Variants in UBE2O observed in about 807,000 individuals in gnomAD.
UBE2O encodes ubiquitin conjugating enzyme E2 O, also known as (E3-independent) E2 ubiquitin-conjugating enzyme.
UBE2O carries 15 observed loss-of-function variants against 125.8 expected under a neutral mutation model. The observed-to-expected ratio is 0.12, with a 90% CI of 0.08 to 0.18. The LOEUF (loss-of-function observed/expected upper bound fraction) is 0.18. Ranked by LOEUF, UBE2O falls within the 10% of genes least tolerant of loss-of-function variation. The pLI, the probability that UBE2O is intolerant of heterozygous loss-of-function variation, is 1.00. For missense variants in UBE2O, 1,280 were observed against 1,723.6 expected, an observed-to-expected ratio of 0.74 and a Z score of 4.56; for synonymous variants, 708 against 703.2, an observed-to-expected ratio of 1.01 and a Z score of -0.11.
chr17:76,405,453 C>A lies in UBE2O; in HGVS notation c.477+60G>T. 6.4e-7 allele frequency: 1 copy of A among 1,556,360 alleles called. No individual in the cohort carries two copies. Among genetic ancestry groups the A allele is most frequent in the East Asian group, 2.3e-5 (1 of 43,826 alleles). ...ACATGCAGAGTGCGAGGTGGGCAGG[C>A]TCAAGTCCCTAAGGTGGCTGCCCCC... On this transcript the variant is annotated intron_variant, in intron 2 of 17. Coordinates refer to ENST00000319380, the MANE Select transcript of UBE2O (RefSeq NM_022066.4). This position sits in a 1 kb window ranked among gnomAD's most constrained non-coding sequence, Gnocchi z 6.1.
In UBE2O at chr17:76,399,613, C is replaced by T. The variant is rs1036098305; in HGVS notation, c.1464G>A (p.Thr488=). The T allele has an allele frequency of 2.5e-6, 4 of 1,614,068 alleles. No homozygotes were observed. The highest frequency in any genetic ancestry group is 2.2e-5 in the East Asian group (1 of 44,890). Residue 488 remains threonine, a synonymous_variant, in exon 9 of 18, where the codon ACG becomes ACA. Transcript: ENST00000319380. The surrounding 1 kb of genome is among the most constrained non-coding windows in gnomAD (Gnocchi z 6.9). ...QDADDEAADD[T]DDTSSVTSSA... is the part of the protein sequence containing the mutation. ...AGGAGGTCACCGAACTGGTGTCGTC[C>T]GTGTCATCAGCAGCCTCATCATCTG...
rs759617825 is a variant in UBE2O, at chr17:76,400,579, C to T, written c.895-29G>A. On this transcript the variant is annotated intron_variant, in intron 6 of 17. Transcript: ENST00000319380. The surrounding 1 kb of genome is among the most constrained non-coding windows in gnomAD (Gnocchi z 4.3). ...GGGATGGCAGGTGGGACACGCCAGT[C>T]AGGGCAGGCTCTGACAGCACTCTCT... 3.9e-6 allele frequency: 6 copies of T among 1,533,192 alleles called. No individual in the cohort carries two copies. The highest frequency in any genetic ancestry group is 1.7e-5 in the Admixed American group (1 of 57,180). The allele number at this position is 1,533,192 out of a possible 1,614,324, so 95.0% of individuals were successfully genotyped here.
rs190790579 is a variant in UBE2O, at chr17:76,427,641, C to T, written c.418-22069G>A. Among the ~76,000 whole-genome samples, 209 of 152,362 alleles carry T rather than the reference C, an allele frequency of 1.4e-3. 2 individuals carry two copies. In the South Asian group the frequency reaches 0.024, roughly 17 times the overall value. ...CCTTTGTTCTGCAAGCAAGAAGCTT[C>T]AGGGGTATCGCCAGTCTGCTGGCTG... On this transcript the variant is annotated intron_variant, in intron 1 of 17. Coordinates refer to ENST00000319380, the MANE Select transcript of UBE2O (RefSeq NM_022066.4).
rs552197513 is a variant in UBE2O at position 76,439,887 on chromosome 17, T to C, written c.417+12838A>G. Among the ~76,000 whole-genome samples, 3 of 152,334 alleles carry C rather than the reference T, an allele frequency of 2.0e-5. No homozygotes were observed. In the South Asian group the frequency reaches 6.2e-4, roughly 32 times the overall value. ...CTCAACTGTGTCCTGCAGGTGGAAC[T>C]AGGCTCTCGCTCCCTTATGTGCATC... On this transcript the variant is annotated intron_variant, in intron 1 of 17. Coordinates refer to ENST00000319380, the MANE Select transcript of UBE2O (RefSeq NM_022066.4).
intron 1 of UBE2O, among the ~76,000 whole-genome samples, chr17:76,409,247 C>T (rs570756057): frequency 1.7e-4 from 26 of 152,278 alleles, no homozygotes; most frequent in African/African-American, 5.5e-4. Flanking sequence ...GGATTACAGG[C>T]GTGAGCCACC....
intron 1 of UBE2O, among the ~76,000 whole-genome samples, chr17:76,441,917 C>A (rs2073080442): frequency 2.0e-5 from 3 of 152,256 alleles, no homozygotes; most frequent in Admixed American, 6.5e-5. Flanking sequence ...AGGCAGAGTG[C>A]ATAGCCTAAG....
At chr17:76,415,962 T>C (rs1162829771) in intron 1 of UBE2O, among the ~76,000 whole-genome samples, 3 of 152,024 alleles carry the variant, frequency 2.0e-5, no homozygotes, top group Non-Finnish European at 2.9e-5. Context: ...CACATACACG[T>C]ATATACGTAT....
At chr17:76,419,849 G>A (rs946412908) in intron 1 of UBE2O, among the ~76,000 whole-genome samples, 1 of 152,196 alleles carries the variant, frequency 6.6e-6, no homozygotes, top group African/African-American at 2.4e-5. Context: ...GTGAAAGCGT[G>A]GCTCTACCCA....
In UBE2O at chr17:76,453,096, G is replaced by C; in HGVS notation, c.46C>G (p.Gln16Glu). 1.0e-6 allele frequency: 1 copy of C among 983,894 alleles called. No individual in the cohort carries two copies. 60.9% of individuals were successfully genotyped at this position (983,894 alleles called of 1,614,324 possible). A position where few individuals can be genotyped will look rare whatever the true frequency, so the allele number is the denominator to read the frequency against. Residue 16 changes from glutamine to glutamate, a missense_variant, in exon 1 of 18, where the codon CAG becomes GAG. Transcript: ENST00000319380. ...GCCTCCGGGGCTGGAGCCGGGGCCT[G>C]GGCTGGAGCGGGAGCTGCGGGCGTG... ...APTPAAPAPA[Q>E]APAPAPEAVP...
At chr17:76,436,223 G>A (rs984115296) in intron 1 of UBE2O, among the ~76,000 whole-genome samples, 21 of 151,826 alleles carry the variant, frequency 1.4e-4, no homozygotes, top group African/African-American at 4.8e-4. Flanking sequence ...CTCCAGCCTG[G>A]GCAACAAGAG....
chr17:76,428,430 A>G (rs1457622536), intron 1 of UBE2O, among the ~76,000 whole-genome samples: 1 of 152,214 alleles, frequency 6.6e-6, no homozygotes, highest in African/African-American at 2.4e-5. Context: ...CGTCAACTTC[A>G]AAGAAAAAGT....
At chr17:76,439,607 T>C (rs1286564155) in intron 1 of UBE2O, among the ~76,000 whole-genome samples, 1 of 152,156 alleles carries the variant, frequency 6.6e-6, no homozygotes, top group Non-Finnish European at 1.5e-5. Context: ...AAACAACCCA[T>C]ACAAATAAAA....
At position 76,399,769 on chromosome 17, in the gene UBE2O, G is replaced by A. The variant is rs746688855; in HGVS notation, c.1308C>T (p.Pro436=). ...TCTCCACTGGACTGGCAGAGCCATC[G>A]GGCGTCTCCTCAGGGCTGGCAGACT... ...EAESASPEET[P]DGSASPVEMQ... Residue 436 remains proline, a synonymous_variant, in exon 9 of 18, where the codon CCC becomes CCT. Coordinates refer to ENST00000319380, the MANE Select transcript of UBE2O (RefSeq NM_022066.4). This position sits in a 1 kb window ranked among gnomAD's most constrained non-coding sequence, Gnocchi z 6.9. The A allele has an allele frequency of 8.7e-6, 14 of 1,614,038 alleles. 2 individuals carry two copies. Among genetic ancestry groups the A allele is most frequent in the Middle Eastern group, 3.3e-4 (2 of 6,082 alleles).
chr17:76,444,793 A>G (rs7209978), intron 1 of UBE2O, among the ~76,000 whole-genome samples: 6,929 of 152,272 alleles, frequency 0.046, 224 homozygotes, highest in South Asian at 0.093. Flanking sequence ...GATGTCATCA[A>G]CCTTCAGGGC....
In UBE2O at chr17:76,405,718, C is replaced by A; in HGVS notation, c.418-146G>T. 1 of 730,326 alleles carries A rather than the reference C, an allele frequency of 1.4e-6. No individual in the cohort carries two copies. The highest frequency in any genetic ancestry group is 2.7e-5 in the East Asian group (1 of 36,772). 45.2% of individuals were successfully genotyped at this position (730,326 alleles called of 1,614,324 possible). A position where few individuals can be genotyped will look rare whatever the true frequency, so the allele number is the denominator to read the frequency against. The stretch of plus-strand genomic sequence containing the variant: ...TTTGGCTAGCAGTATCTTCACAGAC[C>A]GCACACACCTCCGACCAGCACCCAG... On this transcript the variant is annotated intron_variant, in intron 1 of 17. Coordinates refer to ENST00000319380, the MANE Select transcript of UBE2O (RefSeq NM_022066.4). This position sits in a 1 kb window ranked among gnomAD's most constrained non-coding sequence, Gnocchi z 6.1.
intron 15 of UBE2O, among the ~76,000 whole-genome samples, 171 bp from the exon 16 acceptor site, chr17:76,392,284 ATC>A (rs1396846790): frequency 2.0e-5 from 3 of 151,742 alleles, no homozygotes; most frequent in Non-Finnish European, 4.4e-5. Context: ...CTAAGGACAA[ATC>A]TCTCTCTGCA....
chr17:76,423,683 A>G (rs2072747050), intron 1 of UBE2O, among the ~76,000 whole-genome samples: 1 of 140,822 alleles, frequency 7.1e-6, no homozygotes, highest in African/African-American at 2.6e-5. Context: ...ACAGAGGGAC[A>G]CTCCATCTCA....
chr17:76,446,023 A>T (rs7215770), intron 1 of UBE2O, among the ~76,000 whole-genome samples: 146,852 of 152,314 alleles, frequency 0.96, 71,061 homozygotes, highest in Middle Eastern at 1. Flanking sequence ...TTAAGTGAGA[A>T]AAGTGATAGC....
chr17:76,442,632 T>C (rs146250821), intron 1 of UBE2O, among the ~76,000 whole-genome samples: 16 of 152,166 alleles, frequency 1.1e-4, no homozygotes, highest in Admixed American at 4.6e-4. Flanking sequence ...AACGGCACAA[T>C]TGAGTTGGGG....
Sources: allele counts gnomAD v4.1 joint callset (sites outside exome capture counted in the v4.1 genomes callset), GRCh38; gene constraint gnomAD v4.1.1; non-coding constraint Gnocchi (gnomAD v3.1); transcripts MANE v1.5; gene names NCBI Gene and HGNC (gene_info 2026-07-23, HGNC 2026-07-21).